KLHL1: variants seen among roughly 807,000 people sequenced by gnomAD.
KLHL1 encodes kelch like family member 1.
In KLHL1, 47 loss-of-function variants were observed where a neutral mutation model predicts 77.7. That is an observed-to-expected ratio of 0.60 (90% CI 0.48 to 0.77). The LOEUF (loss-of-function observed/expected upper bound fraction) is 0.77, where lower values mean the gene tolerates loss of function less well. Among genes scored for constraint, KLHL1 ranks in the 30% least tolerant of loss-of-function variants. The pLI is 0.00. For missense variants in KLHL1, 925 were observed against 910.8 expected (o/e 1.02, Z -0.20); for synonymous variants, 360 against 325.2 (o/e 1.11, Z -1.15).
intron 1 of KLHL1, among the ~76,000 whole-genome samples, chr13:70,082,607 T>A (rs540790231): frequency 7.9e-5 from 12 of 152,316 alleles, no homozygotes; most frequent in South Asian, 4.1e-4. Context: ...AACTATTTTT[T>A]AAAAATAATT....
chr13:70,084,647 T>TTTTTC lies in KLHL1; in HGVS notation c.497+22555_497+22556insGAAAA, dbSNP rs1386041223. ...CTTTTTTTTTTTTTTTTTTTTTTTTTTGAATTTTTAGTAGAGACGGGGTTT... is the reference window on the plus strand; with the variant it reads ...CTTTTTTTTTTTTTTTTTTTTTTTTTTTTTCTGAATTTTTAGTAGAGACGGGGTTT... On this transcript the variant is annotated intron_variant, in intron 1 of 10. Transcript: ENST00000377844. Among the ~76,000 whole-genome samples the TTTTTC allele has an allele frequency of 1.4e-4, 16 of 115,244 alleles. 1 individual carries two copies. The highest frequency in any genetic ancestry group is 4.8e-4 in the African/African-American group (15 of 31,016). 75.6% of individuals were successfully genotyped at this position (115,244 alleles called of 152,430 possible).
At chr13:69,850,811 G>A (rs1182966219) in intron 5 of KLHL1, among the ~76,000 whole-genome samples, 2 of 151,590 alleles carry the variant, frequency 1.3e-5, no homozygotes, top group Non-Finnish European at 3.0e-5. Context: ...ATTTGTCACT[G>A]TGCCTCCAGA....
chr13:69,903,226 A>T (rs1881931455), intron 4 of KLHL1, among the ~76,000 whole-genome samples: 1 of 152,134 alleles, frequency 6.6e-6, no homozygotes, highest in Non-Finnish European at 1.5e-5. Flanking sequence ...AAGCCAAACC[A>T]TTTCCTACTG....
chr13:69,749,334 C>G (rs942812672), intron 7 of KLHL1, among the ~76,000 whole-genome samples: 1 of 151,866 alleles, frequency 6.6e-6, no homozygotes, highest in Non-Finnish European at 1.5e-5. Context: ...AGAAAAGAAA[C>G]ATCTAAAGTC....
In KLHL1 at chr13:69,832,498, A is replaced by G. The variant is rs778142767; in HGVS notation, c.1414+6478T>C. Among the ~76,000 whole-genome samples the G allele has an allele frequency of 5.0e-4, 75 of 150,024 alleles. 3 individuals are homozygous for G. Among genetic ancestry groups the G allele is most frequent in the Non-Finnish European group, 9.0e-4 (61 of 67,736 alleles). On this transcript the variant is annotated intron_variant, in intron 6 of 10. Coordinates refer to ENST00000377844, the MANE Select transcript of KLHL1 (RefSeq NM_020866.3). ...ACATCCCATGTTCATGGATGGGTAG[A>G]ATCATTGGGAAAATAATCATACTGC...
rs550097186 is a variant in KLHL1, at chr13:70,097,088, C to T, written c.497+10115G>A. 4.7e-4 allele frequency among the ~76,000 whole-genome samples: 72 copies of T among 152,114 alleles called. 3 individuals carry two copies. The South Asian group carries it at 0.015, about 31-fold the overall frequency. On this transcript the variant is annotated intron_variant, in intron 1 of 10. Transcript: ENST00000377844. ...TTTAAAGGCACATCCAACATCATGG[C>T]TCAGTTCTGGGGTAATTAGCATACA...
chr13:69,824,353 C>T (rs898635864), intron 6 of KLHL1, among the ~76,000 whole-genome samples: 20 of 151,988 alleles, frequency 1.3e-4, no homozygotes, highest in African/African-American at 4.8e-4. Context: ...GACATATTGA[C>T]ACAGTTCCCA....
chr13:69,968,011 A>C (rs1566455833), intron 2 of KLHL1, among the ~76,000 whole-genome samples: 1 of 152,198 alleles, frequency 6.6e-6, no homozygotes, highest in Non-Finnish European at 1.5e-5. Flanking sequence ...ATGCTATCAA[A>C]CAGCATCCCA....
At chr13:69,878,609 TA>T (rs1200727879) in intron 5 of KLHL1, among the ~76,000 whole-genome samples, 4 of 152,030 alleles carry the variant, frequency 2.6e-5, no homozygotes, top group Non-Finnish European at 5.9e-5. Context: ...AATATATAAT[TA>T]TATGTTACAC....
At chr13:70,095,473 G>A (rs1402044783) in intron 1 of KLHL1, among the ~76,000 whole-genome samples, 1 of 152,140 alleles carries the variant, frequency 6.6e-6, no homozygotes, top group Non-Finnish European at 1.5e-5. Context: ...CTATGTCCCT[G>A]GCAGTGAGAC....
intron 5 of KLHL1, among the ~76,000 whole-genome samples, chr13:69,856,395 G>T (rs1007095291): frequency 6.6e-6 from 1 of 151,954 alleles, no homozygotes; most frequent in Admixed American, 6.6e-5. Flanking sequence ...TGATTTTCTT[G>T]CTACTACTAT....
chr13:70,082,862 T>G (rs1238584459), intron 1 of KLHL1, among the ~76,000 whole-genome samples: 2 of 152,180 alleles, frequency 1.3e-5, no homozygotes, highest in East Asian at 3.9e-4. Context: ...CCTAAGCAAA[T>G]TAGCATAGAA....
At chr13:69,913,164 T>A (rs1882296699) in intron 4 of KLHL1, among the ~76,000 whole-genome samples, 1 of 152,126 alleles carries the variant, frequency 6.6e-6, no homozygotes, top group African/African-American at 2.4e-5. Context: ...ACCTTTTTGT[T>A]TTTCATGTCG....
At chr13:70,028,975 T>G (rs1886024037) in intron 1 of KLHL1, among the ~76,000 whole-genome samples, 1 of 95,346 alleles carries the variant, frequency 1.0e-5, no homozygotes, top group Non-Finnish European at 2.4e-5. Flanking sequence ...GAGTGAAAAC[T>G]TGTTAAAAAA....
chr13:69,882,179 T>A (rs1881024991), intron 5 of KLHL1, 104 bp downstream of exon 5: 3 of 782,840 alleles, frequency 3.8e-6, no homozygotes, highest in Non-Finnish European at 6.5e-6. Context: ...GATAAAAGCA[T>A]TTAAAAATGT....
chr13:69,993,307 T>C (rs554621256), intron 1 of KLHL1, among the ~76,000 whole-genome samples: 5 of 152,026 alleles, frequency 3.3e-5, no homozygotes, highest in African/African-American at 4.8e-5. Context: ...GCATTTTCAC[T>C]TAGCAATCTT....
intron 4 of KLHL1, among the ~76,000 whole-genome samples, chr13:69,914,073 G>A (rs941989023): frequency 2.6e-5 from 4 of 152,018 alleles, no homozygotes; most frequent in Non-Finnish European, 5.9e-5. Flanking sequence ...TCCTACCCTC[G>A]AACATGGCAC....
intron 6 of KLHL1, among the ~76,000 whole-genome samples, chr13:69,820,535 T>C (rs1878292930): frequency 6.6e-6 from 1 of 152,184 alleles, no homozygotes; most frequent in African/African-American, 2.4e-5. Flanking sequence ...AAAAGGGAAT[T>C]GGCCAACAGA....
intron 1 of KLHL1, among the ~76,000 whole-genome samples, chr13:70,059,151 T>G (rs1886815327): frequency 6.9e-6 from 1 of 145,966 alleles, no homozygotes; most frequent in Non-Finnish European, 1.5e-5. Flanking sequence ...TGGACAAATA[T>G]TTCTTCTTTT....
Sources: gnomAD v4.1 joint callset for allele counts (sites outside exome capture counted in the v4.1 genomes callset) on GRCh38, gnomAD v4.1.1 for gene constraint, MANE v1.5 for transcripts, NCBI Gene and HGNC (gene_info 2026-07-23, HGNC 2026-07-21) for gene names.